ZNF445: variants seen among roughly 807,000 people sequenced by gnomAD.
ZNF445 encodes the protein zinc finger protein 445.
Under a neutral mutation model 93.9 loss-of-function variants are expected in ZNF445, and 19 were observed. That is an observed-to-expected ratio of 0.20 (90% CI 0.14 to 0.30). The LOEUF (loss-of-function observed/expected upper bound fraction) is 0.30. ZNF445 is among the 10% of genes least tolerant of loss of function. The pLI is 1.00. For synonymous variants in ZNF445, 449 were observed against 446.3 expected (o/e 1.01, Z -0.08); for missense variants, 1,058 against 1,259.4 (o/e 0.84, Z 2.42).
At chr3:44,465,392 A>G (rs1698179796) in intron 1 of ZNF445, among the ~76,000 whole-genome samples, 1 of 152,216 alleles carries the variant, frequency 6.6e-6, no homozygotes, top group Non-Finnish European at 1.5e-5. Flanking sequence ...GGGTGTAAAC[A>G]AGTTGGCTAA....
At chr3:44,464,628 A>C (rs1305052355) in intron 1 of ZNF445, among the ~76,000 whole-genome samples, 1 of 152,218 alleles carries the variant, frequency 6.6e-6, no homozygotes, top group African/African-American at 2.4e-5. Flanking sequence ...AAATGCTTTA[A>C]GGTCAAATTG....
rs1175337054 is a variant in ZNF445 at position 44,437,958 on chromosome 3, T to C, written c.*8617A>G. The C allele has an allele frequency of 2.6e-5, 4 of 152,936 alleles. No homozygotes were observed. Among genetic ancestry groups the C allele is most frequent in the Admixed American group, 2.0e-4 (3 of 15,262 alleles). 9.5% of individuals were successfully genotyped at this position (152,936 alleles called of 1,614,324 possible). ...TGCAGGCCAGTAAGTCTCAGCCTCA[T>C]TTTCCCAGCCCTCACTCAAAATGGA... On this transcript the variant is annotated 3_prime_UTR_variant, in exon 8 of 8. Transcript: ENST00000396077.
Position 44,448,064 on chromosome 3 carries a change from G to C in ZNF445, c.1607C>G (p.Thr536Ser), listed in dbSNP as rs1697904022. ...ATCGCATTTATAAGGCTTCACTCCA[G>C]TGTGAATTTTCTCATGCCGCGCACA... The part of the protein sequence containing the change: ...SNCARHEKIH[T>S]GVKPYKCDLC... The change falls in exon 8 of 8, where the codon ACT becomes AGT. Residue 536 changes from threonine to serine, a missense_variant. Thr to Ser is a moderately conservative substitution (Grantham distance 58, BLOSUM62 1). Around this residue, in one of 3 missense-constraint regions of ZNF445, gnomAD observed 657 missense variants for 746.4 expected, o/e 0.88. Coordinates refer to ENST00000396077, the MANE Select transcript of ZNF445 (RefSeq NM_181489.6). 1 of 1,612,628 alleles carries C rather than the reference G, an allele frequency of 6.2e-7. No homozygotes were observed. The highest frequency in any genetic ancestry group is 1.1e-5 in the South Asian group (1 of 91,082).
At chr3:44,474,042 A>G (rs1218418398) in intron 1 of ZNF445, among the ~76,000 whole-genome samples, 1 of 152,242 alleles carries the variant, frequency 6.6e-6, no homozygotes, top group Non-Finnish European at 1.5e-5. Flanking sequence ...TGCTGCAGGC[A>G]AGATCAATCA....
intron 1 of ZNF445, among the ~76,000 whole-genome samples, chr3:44,475,915 C>T (rs1284392726): frequency 2.0e-5 from 3 of 152,220 alleles, no homozygotes; most frequent in Non-Finnish European, 4.4e-5. Flanking sequence ...AGGAGAATCA[C>T]TTGAACCCAG....
intron 4 of ZNF445, 95 bp from the exon 5 acceptor site, chr3:44,451,057 A>T (rs1697949974): frequency 2.7e-6 from 3 of 1,121,834 alleles, no homozygotes; most frequent in African/African-American, 1.6e-5. Context: ...TGGACCCATG[A>T]GCAGGTACAT....
Position 44,439,454 on chromosome 3 carries a change from A to C in ZNF445, c.*7121T>G, listed in dbSNP as rs116899474. The C allele has an allele frequency of 6.6e-6, 1 of 152,344 alleles. No homozygotes were observed. The highest frequency in any genetic ancestry group is 1.9e-4 in the East Asian group (1 of 5,184). The allele number at this position is 152,344 out of a possible 1,614,324, so 9.4% of individuals were successfully genotyped here. A position where few individuals can be genotyped will look rare whatever the true frequency, so the allele number is the denominator to read the frequency against. On this transcript the variant is annotated 3_prime_UTR_variant, in exon 8 of 8. Coordinates refer to ENST00000396077, the MANE Select transcript of ZNF445 (RefSeq NM_181489.6). ...GGCAAAAGGTGGTTAACTAACACTC[A>C]AAGTCTCATTGTGACCCTCCCTTCT... is the stretch of plus-strand genomic sequence containing the variant.
In ZNF445 at chr3:44,446,619, A is replaced by G; in HGVS notation, c.3052T>C (p.Ser1018Pro). The G allele has an allele frequency of 6.2e-7, 1 of 1,614,184 alleles. No individual in the cohort carries two copies. The highest frequency in any genetic ancestry group is 8.5e-7 in the Non-Finnish European group (1 of 1,180,036). The change falls in exon 8 of 8, where the codon TCT becomes CCT. Residue 1018 changes from serine (S) to proline (P), a missense_variant. Physicochemically the swap from Ser to Pro is moderately conservative, Grantham distance 74 (BLOSUM62 -1). Transcript: ENST00000396077. The surrounding 1 kb of genome is among the most constrained non-coding windows in gnomAD (Gnocchi z 4.2). The part of the protein sequence containing the change: ...CSKCGKTFRW[S>P]SNLARHMKNH... ...TTCATATGCCGAGCCAGGTTCGAAG[A>G]CCACCTGAAGGTCTTTCCACACTTG...
At chr3:44,472,897 C>T (rs1330914291) in intron 1 of ZNF445, among the ~76,000 whole-genome samples, 2 of 152,178 alleles carry the variant, frequency 1.3e-5, no homozygotes, top group Non-Finnish European at 2.9e-5. Context: ...CCCCCCAGAG[C>T]TTTATACCTT....
chr3:44,467,787 A>T (rs550083710), intron 1 of ZNF445, among the ~76,000 whole-genome samples: 12 of 152,328 alleles, frequency 7.9e-5, no homozygotes, highest in Middle Eastern at 6.8e-3. Flanking sequence ...ATTTGTTTTT[A>T]ATAAAAATGG....
chr3:44,451,005 A>G (rs1290835956), intron 4 of ZNF445, 43 bp from the exon 5 acceptor site: 1 of 1,457,218 alleles, frequency 6.9e-7, no homozygotes, highest in Non-Finnish European at 9.2e-7. Context: ...AGCTCTGGAC[A>G]GCCCAGTGAG....
chr3:44,465,204 T>C (rs1316459301), intron 1 of ZNF445, among the ~76,000 whole-genome samples: 1 of 152,196 alleles, frequency 6.6e-6, no homozygotes, highest in Non-Finnish European at 1.5e-5. Context: ...AGGAAATGTG[T>C]TTTTGTTAAA....
rs1697691372 is a variant in ZNF445, at chr3:44,436,873, G to A, written c.*9702C>T. 6.6e-6 allele frequency: 1 copy of A among 152,254 alleles called. No homozygotes were observed. The highest frequency in any genetic ancestry group is 6.5e-5 in the Admixed American group (1 of 15,298). 9.4% of individuals were successfully genotyped at this position (152,254 alleles called of 1,614,324 possible). On this transcript the variant is annotated 3_prime_UTR_variant, in exon 8 of 8. Coordinates refer to ENST00000396077, the MANE Select transcript of ZNF445 (RefSeq NM_181489.6). ...CATATCGAATAATTCAGCTTGATCTGACTTTATATTCCTTCCACGATGATC... is the reference window on the plus strand; with the variant it reads ...CATATCGAATAATTCAGCTTGATCTAACTTTATATTCCTTCCACGATGATC...
intron 1 of ZNF445, among the ~76,000 whole-genome samples, chr3:44,463,669 C>T (rs184701035): frequency 1.6e-3 from 249 of 152,262 alleles, no homozygotes; most frequent in African/African-American, 5.6e-3. Context: ...TGGAGGGATA[C>T]TTGACTCTGC....
At chr3:44,450,793 G>A in intron 5 of ZNF445, 75 bp downstream of exon 5, 1 of 1,360,770 alleles carries the variant, frequency 7.3e-7, no homozygotes, top group Admixed American at 2.8e-5. Context: ...GAGAAACCCA[G>A]GATGGGGAAG....
rs879444579 is a variant in ZNF445 at position 44,433,126 on chromosome 3, CTTT to C, written c.*13446_*13448del. ...TCCTGGGATGCTAAGGGTCATCGTTCTTTTTTTTTTTTTTTCCCGCTCTGTTGT... is the reference window on the plus strand; with the variant it reads ...TCCTGGGATGCTAAGGGTCATCGTTCTTTTTTTTTTTTCCCGCTCTGTTGT... On this transcript the variant is annotated 3_prime_UTR_variant, in exon 8 of 8. Coordinates refer to ENST00000396077, the MANE Select transcript of ZNF445 (RefSeq NM_181489.6). 4 of 142,200 alleles carry C rather than the reference CTTT, an allele frequency of 2.8e-5. No individual in the cohort carries two copies. Among genetic ancestry groups the C allele is most frequent in the Non-Finnish European group, 3.1e-5 (2 of 64,616 alleles). 8.8% of individuals were successfully genotyped at this position (142,200 alleles called of 1,614,324 possible).
chr3:44,445,969 G>C lies in ZNF445; in HGVS notation c.*606C>G, dbSNP rs910943034. The C allele has an allele frequency of 6.4e-6, 1 of 155,134 alleles. No homozygotes were observed. Among genetic ancestry groups the C allele is most frequent in the Non-Finnish European group, 1.4e-5 (1 of 70,340 alleles). 9.6% of individuals were successfully genotyped at this position (155,134 alleles called of 1,614,324 possible). ...TGGGGATGGCAACAGGGTACTGGTA[G>C]AGATCCACACGCCAAGCGCTTGAGC... is the stretch of plus-strand genomic sequence containing the variant. On this transcript the variant is annotated 3_prime_UTR_variant, in exon 8 of 8. Transcript: ENST00000396077.
intron 1 of ZNF445, among the ~76,000 whole-genome samples, chr3:44,465,049 AGAGT>A (rs1395834941): frequency 1.4e-5 from 2 of 146,540 alleles, no homozygotes; most frequent in Non-Finnish European, 3.0e-5. Context: ...CCTGGGCGAC[AGAGT>A]GAGACTCCGC....
chr3:44,455,701 G>A lies in ZNF445; in HGVS notation c.-147-5C>T. 1 of 684,278 alleles carries A rather than the reference G, an allele frequency of 1.5e-6. No individual in the cohort carries two copies. Among genetic ancestry groups the A allele is most frequent in the Non-Finnish European group, 2.4e-6 (1 of 419,582 alleles). The allele number at this position is 684,278 out of a possible 1,614,324, so 42.4% of individuals were successfully genotyped here. The stretch of plus-strand genomic sequence containing the variant: ...TGACTGAAATTACCAGCATTTCTGT[G>A]CAGGAGGGGATGAGAGAATAATGTC... On this transcript the variant is annotated splice_polypyrimidine_tract_variant and splice_region_variant and intron_variant, in intron 2 of 7. Coordinates refer to ENST00000396077, the MANE Select transcript of ZNF445 (RefSeq NM_181489.6).
Sources: gnomAD v4.1 joint callset for allele counts (sites outside exome capture counted in the v4.1 genomes callset) on GRCh38, gnomAD v4.1.1 for gene constraint, gnomAD v4.1.1 regional missense constraint, Gnocchi (gnomAD v3.1) non-coding constraint, MANE v1.5 for transcripts, NCBI Gene and HGNC (gene_info 2026-07-23, HGNC 2026-07-21) for gene names.